Variants in TNS1 observed in about 807,000 individuals in gnomAD.
The protein encoded by TNS1 is tensin 1.
A neutral mutation model predicts 168.6 loss-of-function variants in TNS1; 62 were observed. The observed-to-expected ratio is 0.37, with a 90% CI of 0.30 to 0.45. The LOEUF (loss-of-function observed/expected upper bound fraction) is 0.45, where lower values mean the gene tolerates loss of function less well. Among genes scored for constraint, TNS1 ranks in the 20% least tolerant of loss-of-function variants. The pLI is 1.00. For synonymous variants in TNS1, 934 were observed against 933.2 expected, an observed-to-expected ratio of 1.00 and a Z score of -0.02; for missense variants, 2,240 against 2,339.4, an observed-to-expected ratio of 0.96 and a Z score of 0.88.
intron 18 of TNS1, among the ~76,000 whole-genome samples, chr2:217,879,712 A>G (rs1419977827): frequency 6.6e-6 from 1 of 152,200 alleles, no homozygotes; most frequent in Non-Finnish European, 1.5e-5. Context: ...ATTCAAGGAA[A>G]GGCCCAAAGA....
chr2:217,889,855 T>C (rs535042583), intron 12 of TNS1, among the ~76,000 whole-genome samples: 157 of 152,260 alleles, frequency 1.0e-3, no homozygotes, highest in Non-Finnish European at 2.0e-3. Context: ...ACCATCCAGG[T>C]CTCCAGTTTG....
chr2:217,940,246 C>T (rs1398160916), intron 3 of TNS1, among the ~76,000 whole-genome samples: 1 of 152,230 alleles, frequency 6.6e-6, no homozygotes, highest in Non-Finnish European at 1.5e-5. Context: ...AAAAACCACC[C>T]TCTCCCTCCA....
intron 22 of TNS1, 59 bp from the exon 23 acceptor site, chr2:217,821,997 T>TC (rs769315712): frequency 3.6e-4 from 544 of 1,491,580 alleles, no homozygotes; most frequent in Non-Finnish European, 4.6e-4. Flanking sequence ...GCAGTGCAGG[T>TC]CCCCCCCAAC....
intron 3 of TNS1, among the ~76,000 whole-genome samples, chr2:217,970,324 TA>T (rs758498152): frequency 9.9e-5 from 15 of 152,220 alleles, no homozygotes; most frequent in Non-Finnish European, 1.6e-4. Flanking sequence ...AGCTATTGTG[TA>T]AAACAGCTGA....
At chr2:218,013,093 CAA>C (rs139712924), upstream of TNS1, among the ~76,000 whole-genome samples, 2 of 137,698 alleles carry the variant, frequency 1.5e-5, no homozygotes, top group Admixed American at 7.3e-5. Context: ...AGTAAAAATA[CAA>C]AAAAAAAAAA....
chr2:217,901,579 G>A (rs1952984242), intron 6 of TNS1: 1 of 152,196 alleles, frequency 6.6e-6, no homozygotes, highest in Admixed American at 6.5e-5. Context: ...TGAGCCCATT[G>A]ACACCTTCCA....
chr2:217,860,957 T>A (rs1948723888), intron 18 of TNS1, among the ~76,000 whole-genome samples: 1 of 152,188 alleles, frequency 6.6e-6, no homozygotes, highest in African/African-American at 2.4e-5. Flanking sequence ...CAGGGAGTTT[T>A]ATAAGAACCC....
chr2:217,872,562 G>A (rs923587884), intron 18 of TNS1, among the ~76,000 whole-genome samples: 4 of 152,178 alleles, frequency 2.6e-5, no homozygotes, highest in Non-Finnish European at 4.4e-5. Flanking sequence ...AATAAATGTG[G>A]GTGAGGATGC....
intron 21 of TNS1, among the ~76,000 whole-genome samples, chr2:217,834,376 G>C (rs937098512): frequency 1.3e-5 from 2 of 152,240 alleles, no homozygotes; most frequent in African/African-American, 4.8e-5. Context: ...CCTCTCCTGA[G>C]TACACTGAGT....
chr2:217,910,749 C>A (rs1328488883), intron 4 of TNS1, among the ~76,000 whole-genome samples: 3 of 151,642 alleles, frequency 2.0e-5, no homozygotes, highest in Non-Finnish European at 4.4e-5. Context: ...CACACACACA[C>A]ACACACACAC....
At position 217,882,348 on chromosome 2, in the gene TNS1, T is replaced by C; in HGVS notation, c.1310A>G (p.Gln437Arg). 1 of 1,600,794 alleles carries C rather than the reference T, an allele frequency of 6.2e-7. No homozygotes were observed. Among genetic ancestry groups the C allele is most frequent in the Non-Finnish European group, 8.5e-7 (1 of 1,172,288 alleles). ...ATGAATTCTAACTCGGCTTATACCT[T>C]GAATTTTCTCTGGCCCATAAGAAAA... Reference protein sequence around the residue: ...FVFSYGPEKIQGMEHLENGPS... With the variant: ...FVFSYGPEKIRGMEHLENGPS... Residue 437 changes from glutamine to arginine, a missense_variant and splice_region_variant, in exon 17 of 33, where the codon CAA (glutamine) becomes CGA (arginine). Physicochemically the swap from Gln to Arg is conservative, Grantham distance 43. Coordinates refer to ENST00000682258, the MANE Select transcript of TNS1 (RefSeq NM_001387777.1).
At chr2:217,809,711 A>C in intron 30 of TNS1, 112 bp downstream of exon 30, 1 of 1,123,574 alleles carries the variant, frequency 8.9e-7, no homozygotes, top group Non-Finnish European at 1.3e-6. Flanking sequence ...GAGAAGGTAG[A>C]TGAGCAGTTG....
chr2:217,807,478 T>G (rs559665954), intron 32 of TNS1, among the ~76,000 whole-genome samples: 5 of 152,320 alleles, frequency 3.3e-5, no homozygotes, highest in African/African-American at 1.2e-4. Context: ...CAGAAGCATC[T>G]TAGTGCTATT....
At chr2:218,007,536 G>A (rs955044736), upstream of TNS1, among the ~76,000 whole-genome samples, 10 of 130,470 alleles carry the variant, frequency 7.7e-5, no homozygotes, top group Non-Finnish European at 1.6e-4. Context: ...CTCTCCACTC[G>A]CCTAAGGGCT....
chr2:217,966,611 C>T (rs116106161), intron 3 of TNS1, among the ~76,000 whole-genome samples: 2,497 of 152,248 alleles, frequency 0.016, 70 homozygotes, highest in African/African-American at 0.057. Flanking sequence ...ATGCAGATCC[C>T]TAAGTCTAAC....
intron 18 of TNS1, among the ~76,000 whole-genome samples, chr2:217,862,575 G>A (rs1448732590): frequency 1.3e-5 from 2 of 152,226 alleles, no homozygotes; most frequent in Non-Finnish European, 2.9e-5. Flanking sequence ...GTCAGCCCAG[G>A]CAATTTCCTA....
At chr2:217,937,138 G>A in intron 3 of TNS1, 1 of 419,802 alleles carries the variant, frequency 2.4e-6, no homozygotes, top group Admixed American at 2.5e-5. Flanking sequence ...GCTGCCTCCT[G>A]CTTGACATTC....
intron 2 of TNS1, among the ~76,000 whole-genome samples, chr2:217,981,764 C>T (rs369187644): frequency 2.0e-5 from 3 of 152,218 alleles, no homozygotes; most frequent in African/African-American, 4.8e-5. Context: ...CTCACATATC[C>T]TCCCAAGGGG....
chr2:217,858,960 C>CCAGCCA (rs905421618), intron 18 of TNS1, among the ~76,000 whole-genome samples: 1 of 145,210 alleles, frequency 6.9e-6, no homozygotes, highest in African/African-American at 2.6e-5. Flanking sequence ...CAACCCCAGC[C>CCAGCCA]CAGCCCCAGC....
Sources: allele counts gnomAD v4.1 joint callset (sites outside exome capture counted in the v4.1 genomes callset), GRCh38; gene constraint gnomAD v4.1.1; transcripts MANE v1.5; gene names NCBI Gene and HGNC (gene_info 2026-07-23, HGNC 2026-07-21).